CTNNA3: variants seen among roughly 807,000 people sequenced by gnomAD.
CTNNA3 encodes catenin alpha 3.
Under a neutral mutation model 95.7 loss-of-function variants are expected in CTNNA3, and 76 were observed. That is an observed-to-expected ratio of 0.79 (90% confidence interval 0.66 to 0.96). CTNNA3 has a LOEUF of 0.96. Among genes scored for constraint, CTNNA3 ranks in the 40% least tolerant of loss-of-function variants. CTNNA3 has a pLI of 0.00. For missense variants in CTNNA3, 1,191 were observed against 1,089.8 expected (o/e 1.09, Z -1.31); for synonymous variants, 431 against 374.4 (o/e 1.15, Z -1.74).
At chr10:66,660,227 G>T (rs1302810273) in intron 9 of CTNNA3, among the ~76,000 whole-genome samples, 1 of 152,168 alleles carries the variant, frequency 6.6e-6, no homozygotes, top group African/African-American at 2.4e-5. Context: ...TTGACTAAAA[G>T]AATGGAGAAA....
chr10:66,647,453 T>C (rs889089184), intron 9 of CTNNA3, among the ~76,000 whole-genome samples: 1 of 152,032 alleles, frequency 6.6e-6, no homozygotes, highest in Non-Finnish European at 1.5e-5. Context: ...CTTCACAATG[T>C]AGTTAACATT....
chr10:67,645,669 C>T (rs951826192), intron 2 of CTNNA3, among the ~76,000 whole-genome samples: 1 of 151,514 alleles, frequency 6.6e-6, no homozygotes, highest in Non-Finnish European at 1.5e-5. Flanking sequence ...TGAAATAATA[C>T]AAATTGATGA....
intron 3 of CTNNA3, among the ~76,000 whole-genome samples, chr10:67,545,085 T>C (rs1840804691): frequency 6.6e-6 from 1 of 152,160 alleles, no homozygotes; most frequent in African/African-American, 2.4e-5. Flanking sequence ...TTTTTTATTA[T>C]TATACTTTAA....
chr10:66,290,598 A>G (rs1231470789), intron 12 of CTNNA3, among the ~76,000 whole-genome samples: 1 of 152,158 alleles, frequency 6.6e-6, no homozygotes, highest in Non-Finnish European at 1.5e-5. Context: ...ATGTTAAGAA[A>G]ATGCAAAAGC....
chr10:67,295,464 GA>G (rs149675863), intron 5 of CTNNA3, among the ~76,000 whole-genome samples: 2,420 of 152,274 alleles, frequency 0.016, 67 homozygotes, highest in African/African-American at 0.053. Flanking sequence ...AGTCACGTGG[GA>G]ATTCCAAATT....
intron 14 of CTNNA3, among the ~76,000 whole-genome samples, chr10:66,099,321 A>G (rs1239969406): frequency 6.6e-6 from 1 of 152,190 alleles, no homozygotes; most frequent in Admixed American, 6.5e-5. Context: ...AAATGTGCCA[A>G]AAGTTACACT....
intron 17 of CTNNA3, among the ~76,000 whole-genome samples, chr10:65,956,477 G>A (rs1309642630): frequency 6.6e-6 from 1 of 152,102 alleles, no homozygotes; most frequent in Non-Finnish European, 1.5e-5. Context: ...TAATTGTGAT[G>A]TTAGGGTGTC....
chr10:66,345,978 G>A (rs538645630), intron 12 of CTNNA3, among the ~76,000 whole-genome samples: 2 of 148,854 alleles, frequency 1.3e-5, no homozygotes, highest in Admixed American at 6.8e-5. Flanking sequence ...TGGGGAGGCC[G>A]AGACAGGAGA....
At chr10:67,266,405 G>T (rs1866827233) in intron 5 of CTNNA3, among the ~76,000 whole-genome samples, 2 of 152,044 alleles carry the variant, frequency 1.3e-5, no homozygotes, top group Non-Finnish European at 2.9e-5. Flanking sequence ...GTTTGAATGT[G>T]ATGTTTCACC....
At chr10:66,099,670 T>A (rs936682352) in intron 14 of CTNNA3, among the ~76,000 whole-genome samples, 1 of 152,144 alleles carries the variant, frequency 6.6e-6, no homozygotes, top group Non-Finnish European at 1.5e-5. Context: ...GTGTTATTGG[T>A]ACCAAATTAT....
chr10:66,042,925 A>G (rs868108543), intron 15 of CTNNA3, among the ~76,000 whole-genome samples: 2,737 of 144,272 alleles, frequency 0.019, 166 homozygotes, highest in African/African-American at 0.068. Flanking sequence ...AAAAAAAAAA[A>G]AAAAGAAAAT....
At chr10:67,447,503 T>C (rs1484837799) in intron 5 of CTNNA3, among the ~76,000 whole-genome samples, 1 of 152,194 alleles carries the variant, frequency 6.6e-6, no homozygotes, top group Non-Finnish European at 1.5e-5. Flanking sequence ...CCTTGCTCCT[T>C]GTTCCTTCAA....
intron 5 of CTNNA3, among the ~76,000 whole-genome samples, chr10:67,442,208 G>GA (rs1846547788): frequency 6.6e-6 from 1 of 150,948 alleles, no homozygotes; most frequent in Non-Finnish European, 1.5e-5. Context: ...ACCTCAAATT[G>GA]AAAAAACAGA....
At chr10:65,989,745 AT>A (rs1322922639) in intron 15 of CTNNA3, among the ~76,000 whole-genome samples, 1 of 152,110 alleles carries the variant, frequency 6.6e-6, no homozygotes, top group East Asian at 1.9e-4. Context: ...TCTTCTAGCT[AT>A]TTTGAAATAT....
intron 11 of CTNNA3, among the ~76,000 whole-genome samples, chr10:66,405,684 C>A (rs981474229): frequency 6.6e-6 from 1 of 152,160 alleles, no homozygotes; most frequent in Non-Finnish European, 1.5e-5. Flanking sequence ...TATTCTTTTG[C>A]TGCATATCAT....
At chr10:66,347,584 TGC>T (rs2092533505) in intron 12 of CTNNA3, among the ~76,000 whole-genome samples, 4 of 151,876 alleles carry the variant, frequency 2.6e-5, no homozygotes, top group Non-Finnish European at 5.9e-5. Context: ...ACTGTACTCT[TGC>T]CTGAGTGACA....
intron 17 of CTNNA3, among the ~76,000 whole-genome samples, chr10:65,931,049 A>T (rs1377087966): frequency 1.3e-5 from 2 of 152,134 alleles, no homozygotes; most frequent in African/African-American, 4.8e-5. Flanking sequence ...ACATGTTGAA[A>T]ATTTCCTTCA....
At chr10:65,935,792 C>T (rs1157155435) in intron 17 of CTNNA3, among the ~76,000 whole-genome samples, 1 of 152,022 alleles carries the variant, frequency 6.6e-6, no homozygotes, top group Admixed American at 6.6e-5. Context: ...GCACAACATG[C>T]ATTCTAGCTT....
intron 5 of CTNNA3, among the ~76,000 whole-genome samples, chr10:67,233,666 C>T (rs1420445101): frequency 6.7e-6 from 1 of 148,810 alleles, no homozygotes; most frequent in Non-Finnish European, 1.5e-5. Flanking sequence ...AAAATCAGAG[C>T]AGAACTGAAG....
Sources: allele counts gnomAD v4.1 joint callset (sites outside exome capture counted in the v4.1 genomes callset), GRCh38; gene constraint gnomAD v4.1.1; transcripts MANE v1.5; gene names NCBI Gene and HGNC (gene_info 2026-07-23, HGNC 2026-07-21).